RGS7: variants seen among roughly 807,000 people sequenced by gnomAD.
RGS7 encodes the protein regulator of G protein signaling 7, also known as regulator of G-protein signaling 7.
RGS7 carries 27 observed loss-of-function variants against 81.1 expected under a neutral mutation model. That is an observed-to-expected ratio of 0.33 (90% CI 0.25 to 0.46). RGS7 has a LOEUF of 0.46. Ranked by LOEUF, RGS7 falls within the 20% of genes least tolerant of loss-of-function variation. The probability of loss-of-function intolerance (pLI) is 1.00; values close to 1 mark genes in which losing one functional copy is unlikely to be tolerated. For missense variants in RGS7, 396 were observed against 607.4 expected, an observed-to-expected ratio of 0.65 and a Z score of 3.66; for synonymous variants, 208 against 207.7, an observed-to-expected ratio of 1.00 and a Z score of -0.01.
chr1:240,870,311 T>C (rs1159713193), intron 6 of RGS7, among the ~76,000 whole-genome samples, 192 bp from the exon 7 acceptor site: 1 of 152,160 alleles, frequency 6.6e-6, no homozygotes, highest in Non-Finnish European at 1.5e-5. Context: ...TATGATACCC[T>C]AATAAAATAA....
At chr1:241,254,995 T>C (rs535940339) in intron 2 of RGS7, among the ~76,000 whole-genome samples, 9 of 152,156 alleles carry the variant, frequency 5.9e-5, no homozygotes, top group East Asian at 5.8e-4. Context: ...TGGAGAAACA[T>C]AGGCCTCATG....
intron 2 of RGS7, among the ~76,000 whole-genome samples, chr1:241,249,119 C>T (rs1199163700): frequency 2.0e-5 from 3 of 152,226 alleles, no homozygotes; most frequent in Admixed American, 1.3e-4. Context: ...TTCTAATTTT[C>T]GTGAGGTATA....
intron 9 of RGS7, among the ~76,000 whole-genome samples, chr1:240,845,890 G>A (rs774835547): frequency 6.6e-6 from 1 of 152,186 alleles, no homozygotes; most frequent in African/African-American, 2.4e-5. Flanking sequence ...CAAGCTTCTC[G>A]ATAACTGACA....
intron 2 of RGS7, among the ~76,000 whole-genome samples, chr1:241,125,756 A>G (rs1010894687): frequency 1.3e-5 from 2 of 152,268 alleles, no homozygotes; most frequent in African/African-American, 4.8e-5. Flanking sequence ...GTACAGAAGC[A>G]GCCTGGGGCT....
rs1479399427 is a variant in RGS7, at chr1:241,144,964, T to TGTGTG, written c.79-46203_79-46202insCACAC. 1.1e-4 allele frequency among the ~76,000 whole-genome samples: 16 copies of TGTGTG among 144,508 alleles called. No individual in the cohort carries two copies. The highest frequency in any genetic ancestry group is 4.2e-4 in the East Asian group (2 of 4,708). 94.8% of individuals were successfully genotyped at this position (144,508 alleles called of 152,430 possible). ...GTGTGTGTGTGTGTGTGTGTGTGTGTTCGTGTTCATTCTTCCTGTTCCTGT... is the reference window on the plus strand; with the variant it reads ...GTGTGTGTGTGTGTGTGTGTGTGTGTGTGTGTCGTGTTCATTCTTCCTGTTCCTGT... On this transcript the variant is annotated intron_variant, in intron 2 of 18. Transcript: ENST00000440928. This position sits in a 1 kb window ranked among gnomAD's most constrained non-coding sequence, Gnocchi z 4.7.
Position 241,079,741 on chromosome 1 carries a change from A to T in RGS7, c.175+18925T>A, listed in dbSNP as rs139341012. ...TGTCTGATAAATCAGCATTTTACAA[A>T]AACACATCCGGACTAGCAATTCAGA... On this transcript the variant is annotated intron_variant, in intron 3 of 18. Coordinates refer to ENST00000440928, the MANE Select transcript of RGS7 (RefSeq NM_001364886.1). Among the ~76,000 whole-genome samples the T allele has an allele frequency of 8.0e-3, 1,211 of 152,208 alleles. 25 individuals are homozygous for T. Among genetic ancestry groups the T allele is most frequent in the African/African-American group, 0.028 (1,178 of 41,458 alleles).
At chr1:241,148,051 C>CTTTT (rs58632066) in intron 2 of RGS7, among the ~76,000 whole-genome samples, 4 of 108,492 alleles carry the variant, frequency 3.7e-5, no homozygotes, top group Admixed American at 2.1e-4. Flanking sequence ...TTTTCTTTTT[C>CTTTT]TTTTTTTTTT....
intron 3 of RGS7, among the ~76,000 whole-genome samples, chr1:240,995,708 C>CTTT (rs71172669): frequency 2.7e-4 from 38 of 139,800 alleles, no homozygotes; most frequent in African/African-American, 9.0e-4. Flanking sequence ...TGTGTCTTTT[C>CTTT]TTTTTTTTTT....
chr1:241,248,353 CATATATATATATACGTATAT>C (rs1279058853), intron 2 of RGS7, among the ~76,000 whole-genome samples: 17 of 145,776 alleles, frequency 1.2e-4, no homozygotes, highest in African/African-American at 3.3e-4. Flanking sequence ...GATATATATA[CATATATATATATACGTATAT>C]ATATGTATAT....
intron 4 of RGS7, among the ~76,000 whole-genome samples, chr1:240,977,814 C>T (rs1684367311): frequency 6.6e-6 from 1 of 152,206 alleles, no homozygotes; most frequent in African/African-American, 2.4e-5. Flanking sequence ...TGCAGTGGGG[C>T]TGCACTAATC....
intron 2 of RGS7, among the ~76,000 whole-genome samples, chr1:241,124,426 A>G (rs1389945350): frequency 1.3e-5 from 2 of 152,090 alleles, no homozygotes; most frequent in African/African-American, 4.8e-5. Flanking sequence ...GAAAACAAGA[A>G]CCAGAAAATG....
intron 3 of RGS7, among the ~76,000 whole-genome samples, chr1:240,994,931 C>T (rs1334305397): frequency 2.0e-5 from 3 of 152,092 alleles, no homozygotes; most frequent in African/African-American, 4.8e-5. Context: ...GCACCTCAGC[C>T]TCCCAAAGTG....
chr1:241,016,220 T>A (rs762239528), intron 3 of RGS7, among the ~76,000 whole-genome samples: 3 of 152,012 alleles, frequency 2.0e-5, no homozygotes, highest in South Asian at 2.1e-4. Context: ...TTAGAAAAAA[T>A]TTTACATAAA....
chr1:240,956,159 T>C (rs1006951976), intron 4 of RGS7, among the ~76,000 whole-genome samples: 4 of 152,162 alleles, frequency 2.6e-5, no homozygotes, highest in African/African-American at 7.2e-5. Flanking sequence ...TTCATTTCAC[T>C]TGATGCACAC....
chr1:241,029,904 T>A (rs1558620591), intron 3 of RGS7, among the ~76,000 whole-genome samples: 1 of 152,232 alleles, frequency 6.6e-6, no homozygotes, highest in African/African-American at 2.4e-5. Context: ...TTTGCCTTTT[T>A]AAAAATAATC....
At chr1:241,209,820 G>C (rs369447749) in intron 2 of RGS7, among the ~76,000 whole-genome samples, 1 of 152,066 alleles carries the variant, frequency 6.6e-6, no homozygotes. Flanking sequence ...GTGGGTGTCA[G>C]AGCCAGACCC....
At chr1:241,131,438 A>G (rs1182347967) in intron 2 of RGS7, among the ~76,000 whole-genome samples, 1 of 152,196 alleles carries the variant, frequency 6.6e-6, no homozygotes, top group Non-Finnish European at 1.5e-5. Context: ...GGGACTATGT[A>G]GGGCCTGAAA....
intron 3 of RGS7, among the ~76,000 whole-genome samples, chr1:241,079,028 T>TG (rs2062985990): frequency 6.6e-6 from 1 of 152,118 alleles, no homozygotes; most frequent in African/African-American, 2.4e-5. Context: ...GGAGAGTGTT[T>TG]GGGGGGCTCT....
intron 16 of RGS7, among the ~76,000 whole-genome samples, chr1:240,801,789 C>T (rs12127731): frequency 2.0e-5 from 3 of 152,108 alleles, no homozygotes; most frequent in East Asian, 3.9e-4. Context: ...ATATGTGAAG[C>T]CTTTATACTG....
Sources: gnomAD v4.1 joint callset for allele counts (sites outside exome capture counted in the v4.1 genomes callset) on GRCh38, gnomAD v4.1.1 for gene constraint, Gnocchi (gnomAD v3.1) non-coding constraint, MANE v1.5 for transcripts, NCBI Gene and HGNC (gene_info 2026-07-23, HGNC 2026-07-21) for gene names.